ZNF875: variants seen among roughly 807,000 people sequenced by gnomAD.
ZNF875 encodes the protein HKR1, GLI-Kruppel zinc finger family member.
Under a neutral mutation model 11.2 loss-of-function variants are expected in ZNF875, and 14 were observed. That is an observed-to-expected ratio of 1.26 (90% CI 0.83 to 1.96). ZNF875 has a LOEUF of 1.96. ZNF875 is among the 30% of genes most tolerant of loss of function. The probability of loss-of-function intolerance (pLI) is 0.00; values close to 1 mark genes in which losing one functional copy is unlikely to be tolerated. For synonymous variants in ZNF875, 301 were observed against 281.1 expected (o/e 1.07, Z -0.71); for missense variants, 752 against 760.4 (o/e 0.99, Z 0.13).
At chr19:37,315,941 C>T (rs1317398544), upstream of ZNF875, among the ~76,000 whole-genome samples, 1 of 152,142 alleles carries the variant, frequency 6.6e-6, no homozygotes, top group Non-Finnish European at 1.5e-5. Flanking sequence ...TTCGATCAGA[C>T]TTTAGGATCT....
intron 2 of ZNF875, among the ~76,000 whole-genome samples, chr19:37,341,357 C>G (rs779902176): frequency 1.3e-5 from 2 of 152,262 alleles, no homozygotes; most frequent in South Asian, 4.1e-4. Flanking sequence ...TTGCTGCAGT[C>G]GGCTGGCATT....
At chr19:37,353,521 C>A (rs2038324198) in intron 4 of ZNF875, among the ~76,000 whole-genome samples, 1 of 152,202 alleles carries the variant, frequency 6.6e-6, no homozygotes, top group African/African-American at 2.4e-5. Flanking sequence ...ATGCTCTTCA[C>A]TCCTTAATGT....
exon 1 of ZNF875, chr19:37,318,036 G>C (rs13346353): frequency 0.033 from 5,145 of 156,014 alleles, 279 homozygotes; most frequent in African/African-American, 0.12. Flanking sequence ...GGCCTTCAGC[G>C]TCCGCGGCTG....
intron 4 of ZNF875, chr19:37,359,914 C>G (rs2039626922): frequency 6.6e-6 from 1 of 152,092 alleles, no homozygotes; most frequent in African/African-American, 2.4e-5. Context: ...ATTTCAGGCA[C>G]AAAAGTTTTA....
At chr19:37,344,086 T>C (rs1295550821) in intron 2 of ZNF875, among the ~76,000 whole-genome samples, 1 of 152,166 alleles carries the variant, frequency 6.6e-6, no homozygotes, top group African/African-American at 2.4e-5. Context: ...AGCAACTTTG[T>C]TTAATTCTCA....
chr19:37,346,979 G>A (rs762777506), intron 2 of ZNF875: 1 of 510,286 alleles, frequency 2.0e-6, no homozygotes, highest in Admixed American at 3.3e-5. Flanking sequence ...CACCACACCT[G>A]ACTAATTTTG....
At chr19:37,334,622 T>G, upstream of ZNF875, 1 of 453,810 alleles carries the variant, frequency 2.2e-6, no homozygotes, top group Non-Finnish European at 4.4e-6. Context: ...TCCCTACCCT[T>G]CAGTGTGTAG....
chr19:37,355,552 G>T (rs914332952), intron 4 of ZNF875, among the ~76,000 whole-genome samples: 1 of 152,116 alleles, frequency 6.6e-6, no homozygotes, highest in African/African-American at 2.4e-5. Context: ...CCACAGTGTG[G>T]TTATCAGCCT....
intron 4 of ZNF875, among the ~76,000 whole-genome samples, 183 bp downstream of exon 4, chr19:37,348,055 C>G (rs1174793281): frequency 4.6e-5 from 7 of 152,016 alleles, no homozygotes; most frequent in Admixed American, 4.6e-4. Context: ...CCCTGGTTCC[C>G]TTGTCTCTTC....
intron 4 of ZNF875, among the ~76,000 whole-genome samples, chr19:37,357,541 T>G (rs2039121845): frequency 6.6e-6 from 1 of 152,202 alleles, no homozygotes; most frequent in Non-Finnish European, 1.5e-5. Context: ...GCAGAGACCT[T>G]TCACCTCTTT....
chr19:37,314,608 T>C (rs936415245), upstream of ZNF875, among the ~76,000 whole-genome samples: 1 of 152,106 alleles, frequency 6.6e-6, no homozygotes, highest in Non-Finnish European at 1.5e-5. Context: ...GGGACTCACT[T>C]GAGGTCAGAA....
chr19:37,336,061 G>C (rs754626273), intron 2 of ZNF875, among the ~76,000 whole-genome samples: 5 of 152,130 alleles, frequency 3.3e-5, no homozygotes, highest in Admixed American at 6.5e-5. Context: ...ACATACATGC[G>C]TAATTGTTCA....
Position 37,363,851 on chromosome 19 carries a change from A to C in ZNF875, c.*76A>C. 7.7e-7 allele frequency: 1 copy of C among 1,291,952 alleles called. No homozygotes were observed. Among genetic ancestry groups the C allele is most frequent in the Non-Finnish European group, 1.1e-6 (1 of 908,928 alleles). The allele number at this position is 1,291,952 out of a possible 1,614,324, so 80.0% of individuals were successfully genotyped here. A position where few individuals can be genotyped will look rare whatever the true frequency, so the allele number is the denominator to read the frequency against. ...CTTCATCAGACACCAGAGGACACACACAGTGCTGTGGCTTTTTCAGCCATT... is the reference window on the plus strand; with the variant it reads ...CTTCATCAGACACCAGAGGACACACCCAGTGCTGTGGCTTTTTCAGCCATT... On this transcript the variant is annotated 3_prime_UTR_variant, in exon 5 of 5. Transcript: ENST00000392153.
At chr19:37,334,643 A>G (rs1016096253), upstream of ZNF875, 50 of 455,680 alleles carry the variant, frequency 1.1e-4, no homozygotes, top group African/African-American at 8.6e-4. Context: ...CGTTGACGTC[A>G]GAAACACTTC....
upstream of ZNF875, among the ~76,000 whole-genome samples, chr19:37,329,695 T>A (rs959964219): frequency 2.6e-5 from 4 of 152,226 alleles, no homozygotes; most frequent in African/African-American, 7.2e-5. Flanking sequence ...ATTAAATATC[T>A]TATTAAAAAT....
intron 2 of ZNF875, among the ~76,000 whole-genome samples, chr19:37,322,442 A>C (rs2031654142): frequency 6.6e-6 from 1 of 152,228 alleles, no homozygotes; most frequent in South Asian, 2.1e-4. Flanking sequence ...TTACAGAGCA[A>C]ATACCCACCA....
At chr19:37,327,220 T>TG (rs2032619624) in intron 4 of ZNF875, among the ~76,000 whole-genome samples, 1 of 151,794 alleles carries the variant, frequency 6.6e-6, no homozygotes, top group Non-Finnish European at 1.5e-5. Context: ...TTTGAACTCC[T>TG]GACCTCAGGT....
chr19:37,316,843 A>G (rs2030233218), upstream of ZNF875, among the ~76,000 whole-genome samples: 1 of 122,168 alleles, frequency 8.2e-6, no homozygotes. Flanking sequence ...TTGTATTTTT[A>G]GTACAGACGG....
chr19:37,336,789 T>C (rs2034533229), intron 2 of ZNF875, among the ~76,000 whole-genome samples: 1 of 151,268 alleles, frequency 6.6e-6, no homozygotes, highest in African/African-American at 2.4e-5. Context: ...GCGCCTGTAG[T>C]CCCAGCTACT....
Sources: allele counts gnomAD v4.1 joint callset (sites outside exome capture counted in the v4.1 genomes callset), GRCh38; gene constraint gnomAD v4.1.1; transcripts MANE v1.5; gene names NCBI Gene and HGNC (gene_info 2026-07-23, HGNC 2026-07-21).